The following ADGRL2 variants were observed in gnomAD, a reference collection of about 807,000 sequenced individuals.
ADGRL2 encodes the protein calcium-independent alpha-latrotoxin receptor 2.
Under a neutral mutation model 157.4 loss-of-function variants are expected in ADGRL2, and 44 were observed. The ratio of observed to expected loss-of-function variants is 0.28; its 90% CI spans 0.22 to 0.36. The LOEUF (loss-of-function observed/expected upper bound fraction) is 0.36, where lower values mean the gene tolerates loss of function less well. Among genes scored for constraint, ADGRL2 ranks in the 10% least tolerant of loss-of-function variants. The probability of loss-of-function intolerance (pLI) is 1.00; values close to 1 mark genes in which losing one functional copy is unlikely to be tolerated. For synonymous variants in ADGRL2, 585 were observed against 624.7 expected, an observed-to-expected ratio of 0.94 and a Z score of 0.95; for missense variants, 1,510 against 1,768.9, an observed-to-expected ratio of 0.85 and a Z score of 2.63.
At chr1:81,948,936 G>A (rs559471208) in intron 6 of ADGRL2, among the ~76,000 whole-genome samples, 1 of 152,258 alleles carries the variant, frequency 6.6e-6, no homozygotes, top group African/African-American at 2.4e-5. Context: ...GTAGTTTACT[G>A]TCAGTAGTGT....
At chr1:81,581,095 A>T (rs1323890349) in intron 3 of ADGRL2, 2 of 152,206 alleles carry the variant, frequency 1.3e-5, no homozygotes, top group African/African-American at 4.8e-5. Context: ...GGAAAAAGAG[A>T]ACACACAAGT....
At chr1:81,818,992 A>G (rs1342609660) in intron 1 of ADGRL2, among the ~76,000 whole-genome samples, 1 of 152,098 alleles carries the variant, frequency 6.6e-6, no homozygotes, top group Non-Finnish European at 1.5e-5. Context: ...AGGAGATGAA[A>G]CGGGTGTGTT....
At chr1:81,577,837 T>C (rs900348971) in intron 2 of ADGRL2, among the ~76,000 whole-genome samples, 1 of 152,212 alleles carries the variant, frequency 6.6e-6, no homozygotes, top group African/African-American at 2.4e-5. Flanking sequence ...CTCTAACAAA[T>C]GTGCTATACA....
intron 3 of ADGRL2, among the ~76,000 whole-genome samples, chr1:81,677,118 TG>T (rs374512752): frequency 1.5e-3 from 234 of 152,242 alleles, no homozygotes; most frequent in African/African-American, 5.4e-3. Context: ...CCCAAGTAGC[TG>T]GGATTACCAG....
chr1:81,858,277 A>G (rs1325846320), intron 2 of ADGRL2, among the ~76,000 whole-genome samples: 4 of 152,210 alleles, frequency 2.6e-5, no homozygotes, highest in Non-Finnish European at 5.9e-5. Context: ...AGCCAGATCC[A>G]ATAACACATA....
At chr1:81,644,002 G>T (rs1475176666) in intron 3 of ADGRL2, among the ~76,000 whole-genome samples, 1 of 152,116 alleles carries the variant, frequency 6.6e-6, no homozygotes, top group Non-Finnish European at 1.5e-5. Context: ...CATTAATCAA[G>T]ACACTGTGGT....
chr1:81,677,120 G>A (rs898721168), intron 3 of ADGRL2, among the ~76,000 whole-genome samples: 8 of 151,606 alleles, frequency 5.3e-5, no homozygotes, highest in African/African-American at 2.0e-4. Context: ...CAAGTAGCTG[G>A]GATTACCAGC....
At chr1:81,988,412 AAC>A (rs1361052854) in intron 23 of ADGRL2, 1 of 152,162 alleles carries the variant, frequency 6.6e-6, no homozygotes, top group Admixed American at 6.6e-5. Flanking sequence ...CTACAGAGGA[AAC>A]AAATGCTAGC....
Position 81,966,394 on chromosome 1 carries a change from A to T in ADGRL2, c.2144-10A>T. On this transcript the variant is annotated splice_polypyrimidine_tract_variant and intron_variant, in intron 12 of 23. Coordinates refer to ENST00000686636, the MANE Select transcript of ADGRL2 (RefSeq NM_001366006.2). ...TTTTGTACATCATGTGACTATTTTT[A>T]CCTTCCTAGGGCTTGCAAAGTTGGT... 1 of 1,612,374 alleles carries T rather than the reference A, an allele frequency of 6.2e-7. No individual in the cohort carries two copies. Among genetic ancestry groups the T allele is most frequent in the African/African-American group, 1.3e-5 (1 of 74,988 alleles).
intron 2 of ADGRL2, among the ~76,000 whole-genome samples, chr1:81,887,183 C>T (rs2094146458): frequency 6.6e-6 from 1 of 152,176 alleles, no homozygotes; most frequent in African/African-American, 2.4e-5. Flanking sequence ...CTTCAAATTT[C>T]TTACTGAACC....
chr1:81,862,445 T>A (rs569546194), intron 2 of ADGRL2, among the ~76,000 whole-genome samples: 1 of 152,316 alleles, frequency 6.6e-6, no homozygotes, highest in Admixed American at 6.5e-5. Context: ...ACTCTTTTCA[T>A]TTAGCCAATA....
At chr1:81,529,969 A>G (rs1368752093) in intron 2 of ADGRL2, among the ~76,000 whole-genome samples, 2 of 152,232 alleles carry the variant, frequency 1.3e-5, no homozygotes, top group African/African-American at 4.8e-5. Context: ...TGAGGCTCAC[A>G]AGAGAAACTG....
At chr1:81,661,229 G>A (rs986730583) in intron 3 of ADGRL2, among the ~76,000 whole-genome samples, 3 of 152,046 alleles carry the variant, frequency 2.0e-5, no homozygotes, top group African/African-American at 7.2e-5. Flanking sequence ...AAATTAACAA[G>A]TGATACTATC....
intron 1 of ADGRL2, among the ~76,000 whole-genome samples, chr1:81,370,582 T>C (rs1034151730): frequency 5.3e-5 from 8 of 152,136 alleles, no homozygotes; most frequent in East Asian, 1.9e-4. Flanking sequence ...CTAAAAATAC[T>C]TGTGCATTTC....
At chr1:81,810,678 A>G (rs1482236774) in intron 1 of ADGRL2, among the ~76,000 whole-genome samples, 2 of 151,772 alleles carry the variant, frequency 1.3e-5, no homozygotes, top group Non-Finnish European at 2.9e-5. Context: ...TGTCCTAGTA[A>G]TTGTACATTT....
intron 3 of ADGRL2, chr1:81,585,828 C>T (rs927786028): frequency 6.6e-6 from 1 of 151,962 alleles, no homozygotes; most frequent in African/African-American, 2.4e-5. Flanking sequence ...ATTACAACTT[C>T]ATTTTCACAC....
intron 2 of ADGRL2, among the ~76,000 whole-genome samples, chr1:81,900,531 T>C (rs972575953): frequency 2.5e-4 from 15 of 60,678 alleles, no homozygotes; most frequent in African/African-American, 1.1e-3. Flanking sequence ...GTAAACACTG[T>C]AGGGAAAAAA....
intron 2 of ADGRL2, among the ~76,000 whole-genome samples, chr1:81,495,550 A>G (rs535311475): frequency 3.0e-4 from 46 of 152,306 alleles, no homozygotes; most frequent in African/African-American, 1.1e-3. Flanking sequence ...ATGGCTGATT[A>G]AGCAAACTGC....
intron 1 of ADGRL2, among the ~76,000 whole-genome samples, chr1:81,328,498 T>TTAGG (rs1216297539): frequency 6.6e-6 from 1 of 152,062 alleles, no homozygotes; most frequent in African/African-American, 2.4e-5. Context: ...AGCTTATTGA[T>TTAGG]TAGGTCTCTT....
Sources: allele counts gnomAD v4.1 joint callset (sites outside exome capture counted in the v4.1 genomes callset), GRCh38; gene constraint gnomAD v4.1.1; transcripts MANE v1.5; gene names NCBI Gene and HGNC (gene_info 2026-07-23, HGNC 2026-07-21).